Variants in ANKRD31 observed in about 807,000 individuals in gnomAD.
ANKRD31 encodes the protein ankyrin repeat domain 31.
Under a neutral mutation model 186.0 loss-of-function variants are expected in ANKRD31, and 147 were observed. The ratio of observed to expected loss-of-function variants is 0.79; its 90% CI spans 0.69 to 0.91. The LOEUF is 0.91. ANKRD31 is among the 40% of genes least tolerant of loss of function. The pLI is 0.00. For synonymous variants in ANKRD31, 673 were observed against 736.4 expected, an observed-to-expected ratio of 0.91 and a Z score of 1.39; for missense variants, 1,986 against 2,148.8, an observed-to-expected ratio of 0.92 and a Z score of 1.50.
At chr5:75,179,912 G>C (rs1323793330) in intron 10 of ANKRD31, among the ~76,000 whole-genome samples, 1 of 152,142 alleles carries the variant, frequency 6.6e-6, no homozygotes, top group Non-Finnish European at 1.5e-5. Flanking sequence ...GAAATAAAGG[G>C]CATTCAATTA....
chr5:75,115,067 T>C (rs996695022), intron 19 of ANKRD31, among the ~76,000 whole-genome samples: 4 of 151,542 alleles, frequency 2.6e-5, no homozygotes, highest in South Asian at 4.2e-4. Context: ...GAGATATAGA[T>C]CAATGGAACA....
chr5:75,125,615 GAGGCCTTCTCT>G (rs1749184897), intron 17 of ANKRD31, among the ~76,000 whole-genome samples: 2 of 152,154 alleles, frequency 1.3e-5, no homozygotes, highest in South Asian at 4.1e-4. Flanking sequence ...GTGTTAAGAT[GAGGCCTTCTCT>G]AGGCCTCGAC....
In ANKRD31 at chr5:75,091,349, C is replaced by A; in HGVS notation, c.5384G>T (p.Ser1795Ile). 6.5e-7 allele frequency: 1 copy of A among 1,537,072 alleles called. No homozygotes were observed. The highest frequency in any genetic ancestry group is 2.0e-5 in the Admixed American group (1 of 50,974). ...GACTGGGTTTTTATAAATCTGACCACTTTCTACCTTAAGTTTACCATTCAA... is the reference window on the plus strand; with the variant it reads ...GACTGGGTTTTTATAAATCTGACCAATTTCTACCTTAAGTTTACCATTCAA... ...ILLNGKLKVESGQIYKNPVTW... is the reference protein window; with the variant it reads ...ILLNGKLKVEIGQIYKNPVTW... Residue 1795 changes from serine (S) to isoleucine (I), a missense_variant, in exon 23 of 26, where the codon AGT becomes ATT. By Grantham distance (142) the Ser-to-Ile change is moderately radical (BLOSUM62 -2). Transcript: ENST00000506364.
At chr5:75,226,719 A>T (rs930719480) in intron 2 of ANKRD31, among the ~76,000 whole-genome samples, 19 of 152,220 alleles carry the variant, frequency 1.2e-4, no homozygotes, top group Non-Finnish European at 1.5e-5. Flanking sequence ...ACAATGAAAT[A>T]TCATCTGACT....
chr5:75,201,446 C>T (rs547845863), intron 5 of ANKRD31, among the ~76,000 whole-genome samples: 2 of 152,130 alleles, frequency 1.3e-5, no homozygotes, highest in Non-Finnish European at 2.9e-5. Flanking sequence ...ATAATAGATA[C>T]ATCTTCAACT....
intron 23 of ANKRD31, among the ~76,000 whole-genome samples, chr5:75,087,365 G>A (rs1029842264): frequency 1.3e-5 from 2 of 152,088 alleles, no homozygotes; most frequent in Non-Finnish European, 2.9e-5. Flanking sequence ...AAATTAGCCA[G>A]GCATGGTGGT....
At chr5:75,073,797 T>C (rs555329893) in intron 25 of ANKRD31, among the ~76,000 whole-genome samples, 58 of 152,348 alleles carry the variant, frequency 3.8e-4, no homozygotes, top group South Asian at 1.0e-3. Context: ...ACCTGGTCTC[T>C]CTCTCCCTTA....
intron 14 of ANKRD31, among the ~76,000 whole-genome samples, chr5:75,145,363 A>AT (rs1483565316): frequency 7.2e-5 from 11 of 152,116 alleles, no homozygotes; most frequent in Non-Finnish European, 1.5e-4. Flanking sequence ...GATAGACTGG[A>AT]TAAAAAAAAG....
intron 19 of ANKRD31, among the ~76,000 whole-genome samples, chr5:75,113,865 G>C (rs988904774): frequency 1.3e-5 from 2 of 152,112 alleles, no homozygotes; most frequent in African/African-American, 4.8e-5. Flanking sequence ...GGTTATAAAA[G>C]CAAACAAAAG....
At chr5:75,079,561 G>A (rs930392324) in intron 25 of ANKRD31, among the ~76,000 whole-genome samples, 14 of 151,618 alleles carry the variant, frequency 9.2e-5, no homozygotes, top group African/African-American at 2.9e-4. Context: ...TGCAACCTCC[G>A]CCTCTCGGAT....
intron 25 of ANKRD31, among the ~76,000 whole-genome samples, chr5:75,070,090 G>T (rs1215865496): frequency 1.3e-5 from 2 of 152,136 alleles, no homozygotes; most frequent in Non-Finnish European, 2.9e-5. Flanking sequence ...TCTGATGTGG[G>T]TTTTAAATCA....
intron 2 of ANKRD31, chr5:75,225,523 G>A (rs751989275): frequency 8.1e-5 from 24 of 296,326 alleles, no homozygotes; most frequent in Non-Finnish European, 1.3e-4. Context: ...ACACCACTTA[G>A]TAAACTAATG....
At chr5:75,106,845 A>C (rs1446385432) in intron 21 of ANKRD31, among the ~76,000 whole-genome samples, 3 of 152,024 alleles carry the variant, frequency 2.0e-5, no homozygotes, top group Non-Finnish European at 4.4e-5. Context: ...AAAAATAGAA[A>C]ATTGATTTTT....
At chr5:75,072,500 C>T (rs1296052949) in intron 25 of ANKRD31, among the ~76,000 whole-genome samples, 1 of 152,202 alleles carries the variant, frequency 6.6e-6, no homozygotes, top group African/African-American at 2.4e-5. Flanking sequence ...CTTGGTGACT[C>T]TGTGTTGCTG....
At chr5:75,084,907 AT>A (rs1392097540) in intron 23 of ANKRD31, among the ~76,000 whole-genome samples, 1 of 152,210 alleles carries the variant, frequency 6.6e-6, no homozygotes, top group Non-Finnish European at 1.5e-5. Flanking sequence ...ACTTAGCTAT[AT>A]CATTATCAGT....
At chr5:75,173,615 GTGAACTCCCATTCACAAT>G (rs1753535206) in intron 10 of ANKRD31, among the ~76,000 whole-genome samples, 1 of 152,152 alleles carries the variant, frequency 6.6e-6, no homozygotes, top group African/African-American at 2.4e-5. Flanking sequence ...CAAGTCACGA[GTGAACTCCCATTCACAAT>G]TGCTACAAAG....
chr5:75,156,688 A>G (rs1752202767), intron 11 of ANKRD31, among the ~76,000 whole-genome samples: 2 of 152,216 alleles, frequency 1.3e-5, no homozygotes, highest in Admixed American at 6.5e-5. Context: ...TTTCACATGC[A>G]CACACAGAGG....
chr5:75,203,390 G>C (rs182537834), intron 5 of ANKRD31, among the ~76,000 whole-genome samples: 5 of 152,134 alleles, frequency 3.3e-5, no homozygotes, highest in African/African-American at 1.2e-4. Flanking sequence ...GAGGCCGGGC[G>C]CGGTGGCTTA....
chr5:75,163,590 C>T (rs896896281), intron 11 of ANKRD31, among the ~76,000 whole-genome samples: 49 of 152,302 alleles, frequency 3.2e-4, no homozygotes, highest in African/African-American at 1.1e-3. Context: ...AAATTTTTCA[C>T]TCATGGCATC....
Sources: allele counts gnomAD v4.1 joint callset (sites outside exome capture counted in the v4.1 genomes callset), GRCh38; gene constraint gnomAD v4.1.1; transcripts MANE v1.5; gene names NCBI Gene and HGNC (gene_info 2026-07-23, HGNC 2026-07-21).